The following GPBP1L1 variants were observed in gnomAD, a reference collection of about 807,000 sequenced individuals.
GPBP1L1 encodes vasculin-like protein 1.
In GPBP1L1, 23 loss-of-function variants were observed where a neutral mutation model predicts 52.5. The observed-to-expected ratio is 0.44, with a 90% CI of 0.32 to 0.62. The LOEUF (loss-of-function observed/expected upper bound fraction) is 0.62, where lower values mean the gene tolerates loss of function less well. GPBP1L1 is among the 20% of genes least tolerant of loss of function. The pLI is 0.06. For synonymous variants in GPBP1L1, 243 were observed against 203.1 expected, an observed-to-expected ratio of 1.20 and a Z score of -1.67; for missense variants, 596 against 579.3, an observed-to-expected ratio of 1.03 and a Z score of -0.30.
chr1:45,628,472 GCC>G lies in GPBP1L1; in HGVS notation c.1273-66_1273-65del, dbSNP rs919315295. The G allele has an allele frequency of 1.3e-5, 20 of 1,517,142 alleles. No homozygotes were observed. In the African/African-American group the frequency reaches 2.3e-4, roughly 18 times the overall value. 94.0% of individuals were successfully genotyped at this position (1,517,142 alleles called of 1,614,324 possible). On this transcript the variant is annotated intron_variant, in intron 12 of 12. Transcript: ENST00000355105. ...TATCAATGACTGTACTGACCCATAAGCCCTGGGAAAGGCCAGGCCTCAATTCA... is the reference window on the plus strand; with the variant it reads ...TATCAATGACTGTACTGACCCATAAGCTGGGAAAGGCCAGGCCTCAATTCA...
intron 6 of GPBP1L1, among the ~76,000 whole-genome samples, chr1:45,643,233 A>G (rs1309018688): frequency 6.6e-6 from 1 of 152,232 alleles, no homozygotes; most frequent in Non-Finnish European, 1.5e-5. Context: ...CAGAATATTC[A>G]GGTCTGCAAA....
intron 2 of GPBP1L1, among the ~76,000 whole-genome samples, chr1:45,681,148 G>A (rs1645208052): frequency 6.6e-6 from 1 of 152,092 alleles, no homozygotes; most frequent in Non-Finnish European, 1.5e-5. Context: ...TCAAACGAGA[G>A]TAAATAAACC....
intron 2 of GPBP1L1, among the ~76,000 whole-genome samples, chr1:45,674,343 CA>C (rs1478135580): frequency 6.6e-6 from 1 of 152,040 alleles, no homozygotes; most frequent in Non-Finnish European, 1.5e-5. Flanking sequence ...TCATAAAAGA[CA>C]AATCTTGGAA....
Position 45,628,024 on chromosome 1 carries a change from G to C in GPBP1L1, c.*232C>G, listed in dbSNP as rs1446538287. The C allele has an allele frequency of 4.1e-6, 2 of 483,942 alleles. No homozygotes were observed. Among genetic ancestry groups the C allele is most frequent in the African/African-American group, 3.9e-5 (2 of 51,136 alleles). The allele number at this position is 483,942 out of a possible 1,614,324, so 30.0% of individuals were successfully genotyped here. A position where few individuals can be genotyped will look rare whatever the true frequency, so the allele number is the denominator to read the frequency against. On this transcript the variant is annotated 3_prime_UTR_variant, in exon 13 of 13. Coordinates refer to ENST00000355105, the MANE Select transcript of GPBP1L1 (RefSeq NM_021639.5). ...GGTGTGTATGTGTGTGTGTGTGTGA[G>C]TGTGTTTAAAAAATCTGTCCCACCA...
chr1:45,642,438 G>T lies in GPBP1L1; in HGVS notation c.539C>A (p.Ser180Tyr), dbSNP rs1418058055. 6.2e-7 allele frequency: 1 copy of T among 1,613,148 alleles called. No homozygotes were observed. Among genetic ancestry groups the T allele is most frequent in the Admixed American group, 1.7e-5 (1 of 59,992 alleles). The change falls in exon 7 of 13, where the codon TCT (serine) becomes TAT (tyrosine). Residue 180 changes from serine (S) to tyrosine (Y), a missense_variant. Transcript: ENST00000355105. ...CAAAATCTACCTACCCCATACTCCA[G>T]AAGGTGTCCCAATAGGTCTGCATGG... ...HQPCRPIGTPSGVWENPPSAK... is the reference protein window; with the variant it reads ...HQPCRPIGTPYGVWENPPSAK...
chr1:45,651,183 CA>C, intron 6 of GPBP1L1: 2 of 478,098 alleles, frequency 4.2e-6, no homozygotes, highest in South Asian at 3.1e-5. Context: ...CCAGCTTAGA[CA>C]AACCTCCTTT....
chr1:45,657,263 G>A (rs1193718098), intron 4 of GPBP1L1, among the ~76,000 whole-genome samples: 2 of 152,144 alleles, frequency 1.3e-5, no homozygotes, highest in Non-Finnish European at 2.9e-5. Context: ...GCCGGGTGTG[G>A]TGGTTCATTG....
chr1:45,655,472 G>A (rs1644874675), intron 4 of GPBP1L1, 153 bp from the exon 5 acceptor site: 4 of 755,892 alleles, frequency 5.3e-6, no homozygotes, highest in Admixed American at 5.3e-5. Flanking sequence ...GTACCCACAG[G>A]TGCCTAATTT....
chr1:45,630,854 T>C (rs1453323396), intron 10 of GPBP1L1: 1 of 454,588 alleles, frequency 2.2e-6, no homozygotes, highest in Non-Finnish European at 4.0e-6. Context: ...AGAGTACTGA[T>C]ATTACCTGAC....
intron 6 of GPBP1L1, among the ~76,000 whole-genome samples, chr1:45,646,730 T>C (rs1354757253): frequency 6.6e-6 from 1 of 152,028 alleles, no homozygotes; most frequent in East Asian, 1.9e-4. Context: ...GCTAATTTTT[T>C]GTATTTTTAG....
chr1:45,655,886 C>T (rs1479973229), intron 4 of GPBP1L1: 1 of 152,816 alleles, frequency 6.5e-6, no homozygotes, highest in Middle Eastern at 3.4e-3. Flanking sequence ...CCTCCTGCCT[C>T]GGCCTATGGA....
rs1052889493 is a variant in GPBP1L1 at position 45,651,572 on chromosome 1, G to T, written c.477+2971C>A. 3 of 626,500 alleles carry T rather than the reference G, an allele frequency of 4.8e-6. No individual in the cohort carries two copies. In the East Asian group the frequency reaches 8.7e-5, roughly 18 times the overall value. The allele number at this position is 626,500 out of a possible 1,614,324, so 38.8% of individuals were successfully genotyped here. On this transcript the variant is annotated intron_variant, in intron 6 of 12. Transcript: ENST00000355105. ...CTGAGTAGCTGTTTGGCAGCGCAAG[G>T]CCTGGATGAACTGGTTAATCGCAGG...
At chr1:45,633,417 T>A in intron 10 of GPBP1L1, 72 bp downstream of exon 10, 1 of 1,514,804 alleles carries the variant, frequency 6.6e-7, no homozygotes, top group East Asian at 2.3e-5. Flanking sequence ...CTTTATCCTT[T>A]AAGAAGAAGA....
intron 2 of GPBP1L1, 150 bp downstream of exon 2, chr1:45,685,426 T>C (rs902309072): frequency 6.6e-6 from 1 of 152,184 alleles, no homozygotes; most frequent in Non-Finnish European, 1.5e-5. Flanking sequence ...TCAACAAATA[T>C]GACAAGCCAA....
In GPBP1L1 at chr1:45,628,290, C is replaced by T; in HGVS notation, c.1391G>A (p.Ser464Asn). ...EFEDSDTETSSSETSDDDAWK is the reference protein window; with the variant it reads ...EFEDSDTETSNSETSDDDAWK ...GGCATCGTCATCTGATGTTTCACTG[C>T]TACTGGTTTCGGTGTCTGAGTCCTC... The change falls in exon 13 of 13, where the codon AGC becomes AAC. Residue 464 changes from serine (S) to asparagine (N), a missense_variant. Transcript: ENST00000355105. The T allele has an allele frequency of 6.2e-7, 1 of 1,614,142 alleles. No homozygotes were observed. The highest frequency in any genetic ancestry group is 8.5e-7 in the Non-Finnish European group (1 of 1,180,018).
intron 6 of GPBP1L1, chr1:45,650,953 C>T: frequency 3.2e-6 from 1 of 316,774 alleles, no homozygotes; most frequent in Non-Finnish European, 6.4e-6. Flanking sequence ...TATTATTCAT[C>T]AAGTCACTTT....
chr1:45,630,992 A>C (rs1051331043), intron 10 of GPBP1L1, among the ~76,000 whole-genome samples: 1 of 152,178 alleles, frequency 6.6e-6, no homozygotes, highest in Admixed American at 6.5e-5. Context: ...CAGAACAGAG[A>C]GCCCACAAAT....
chr1:45,685,202 C>G (rs749065351), intron 2 of GPBP1L1, among the ~76,000 whole-genome samples: 4 of 152,090 alleles, frequency 2.6e-5, no homozygotes, highest in Non-Finnish European at 5.9e-5. Flanking sequence ...TAATAGCACC[C>G]TAATTTCCTT....
Position 45,661,121 on chromosome 1 carries a change from G to A in GPBP1L1, c.-993C>T, listed in dbSNP as rs1644942393. 1.3e-5 allele frequency: 2 copies of A among 152,204 alleles called. No individual in the cohort carries two copies. Among genetic ancestry groups the A allele is most frequent in the Non-Finnish European group, 2.9e-5 (2 of 68,046 alleles). 9.4% of individuals were successfully genotyped at this position (152,204 alleles called of 1,614,324 possible). On this transcript the variant is annotated 5_prime_UTR_variant, in exon 3 of 13. Coordinates refer to ENST00000355105, the MANE Select transcript of GPBP1L1 (RefSeq NM_021639.5). ...CAAAATCTAAATTGAGCCACTGGAA[G>A]GAGATATGAAGAATCTTCTATGCTT... is the stretch of plus-strand genomic sequence containing the variant.
Sources: gnomAD v4.1 joint callset for allele counts (sites outside exome capture counted in the v4.1 genomes callset) on GRCh38, gnomAD v4.1.1 for gene constraint, MANE v1.5 for transcripts, NCBI Gene and HGNC (gene_info 2026-07-23, HGNC 2026-07-21) for gene names.